The following ZFPM1 variants were observed in gnomAD, a reference collection of about 807,000 sequenced individuals.
ZFPM1 encodes the protein zinc finger protein ZFPM1.
In ZFPM1, 28 loss-of-function variants were observed where a neutral mutation model predicts 46.3. That is an observed-to-expected ratio of 0.60 (90% confidence interval 0.45 to 0.83). The LOEUF is 0.83. Ranked by LOEUF, ZFPM1 falls within the 40% of genes least tolerant of loss-of-function variation. ZFPM1 has a pLI of 0.00. For synonymous variants in ZFPM1, 957 were observed against 675.9 expected (o/e 1.42, Z -6.45); for missense variants, 1,878 against 1,432.4 (o/e 1.31, Z -5.02).
In ZFPM1 at chr16:88,535,178, C is replaced by G. The variant is rs1024409906; in HGVS notation, c.*199C>G. ...CAGTTTGATGAGCATGGTGGTGGGC[C>G]AGCCTAGTTCTCTGAGCCAGCAGGC... On this transcript the variant is annotated 3_prime_UTR_variant, in exon 10 of 10. Transcript: ENST00000319555. The G allele has an allele frequency of 1.1e-5, 6 of 554,886 alleles. No homozygotes were observed. In the African/African-American group the frequency reaches 1.2e-4, roughly 11 times the overall value. The allele number at this position is 554,886 out of a possible 1,614,324, so 34.4% of individuals were successfully genotyped here. A position where few individuals can be genotyped will look rare whatever the true frequency, so the allele number is the denominator to read the frequency against.
intron 1 of ZFPM1, among the ~76,000 whole-genome samples, chr16:88,468,194 C>A (rs113752522): frequency 6.9e-6 from 1 of 145,628 alleles, no homozygotes; most frequent in East Asian, 2.1e-4. Context: ...GCGAGCCCAC[C>A]GCCCCTCAAG....
At chr16:88,476,277 AC>A (rs1350850852) in intron 1 of ZFPM1, among the ~76,000 whole-genome samples, 3 of 150,260 alleles carry the variant, frequency 2.0e-5, no homozygotes, top group African/African-American at 7.4e-5. Context: ...ACCTAGCCAC[AC>A]CCCCCTCCAA....
chr16:88,507,893 G>A (rs1910746881), intron 3 of ZFPM1, among the ~76,000 whole-genome samples: 1 of 152,196 alleles, frequency 6.6e-6, no homozygotes, highest in African/African-American at 2.4e-5. Flanking sequence ...GCTCCACTCG[G>A]GGGCCTCCAG....
intron 1 of ZFPM1, among the ~76,000 whole-genome samples, chr16:88,461,902 G>T (rs891463388): frequency 1.3e-4 from 20 of 152,354 alleles, no homozygotes; most frequent in African/African-American, 3.6e-4. Flanking sequence ...CGTGACATGT[G>T]TGAGGTTATG....
chr16:88,521,696 G>A (rs1597276316), intron 4 of ZFPM1, among the ~76,000 whole-genome samples: 1 of 111,186 alleles, frequency 9.0e-6, no homozygotes, highest in African/African-American at 3.7e-5. Context: ...CCTCCCTCAT[G>A]CTGTTCCCTC....
intron 4 of ZFPM1, among the ~76,000 whole-genome samples, chr16:88,517,999 A>C (rs1194054747): frequency 6.6e-6 from 1 of 152,100 alleles, no homozygotes; most frequent in Non-Finnish European, 1.5e-5. Context: ...TCATGAAGTC[A>C]GGAGATCGAG....
chr16:88,519,776 G>C (rs1184589825), intron 4 of ZFPM1, among the ~76,000 whole-genome samples: 1 of 145,346 alleles, frequency 6.9e-6, no homozygotes, highest in Admixed American at 6.8e-5. Flanking sequence ...TGGGTGGATG[G>C]ATGGATAGGA....
At chr16:88,504,534 ACTC>A (rs1204212656) in intron 3 of ZFPM1, among the ~76,000 whole-genome samples, 9 of 151,752 alleles carry the variant, frequency 5.9e-5, no homozygotes, top group Non-Finnish European at 1.2e-4. Context: ...TGGCTTTCAG[ACTC>A]CTCAGCCCTG....
intron 3 of ZFPM1, among the ~76,000 whole-genome samples, chr16:88,503,082 C>T (rs902904687): frequency 5.3e-5 from 8 of 152,238 alleles, no homozygotes; most frequent in Non-Finnish European, 7.3e-5. Context: ...ATGAGCACGG[C>T]GCCCCTGGGA....
upstream of ZFPM1, among the ~76,000 whole-genome samples, chr16:88,452,904 A>G (rs891757060): frequency 6.6e-6 from 1 of 150,854 alleles, no homozygotes; most frequent in Non-Finnish European, 1.5e-5. Context: ...TGGGGACATG[A>G]CCTCCGGGCC....
rs576523126 is a variant in ZFPM1, at chr16:88,491,816, G to A, written c.268+2663G>A. 2.6e-5 allele frequency among the ~76,000 whole-genome samples: 4 copies of A among 152,332 alleles called. No individual in the cohort carries two copies. The East Asian group carries it at 5.8e-4, about 22-fold the overall frequency. ...GCTGATACGCGGCCGCTGGCCAACC[G>A]CTGCAGTGGCTACGGCCTATCAGAC... On this transcript the variant is annotated intron_variant, in intron 3 of 9. Transcript: ENST00000319555.
At position 88,532,723 on chromosome 16, in the gene ZFPM1, G is replaced by C. The variant is rs1314744657; in HGVS notation, c.1042+14G>C. 1 of 1,612,028 alleles carries C rather than the reference G, an allele frequency of 6.2e-7. No homozygotes were observed. The highest frequency in any genetic ancestry group is 8.5e-7 in the Non-Finnish European group (1 of 1,179,456). On this transcript the variant is annotated intron_variant, in intron 8 of 9. Coordinates refer to ENST00000319555, the MANE Select transcript of ZFPM1 (RefSeq NM_153813.3). ...ACACGCTGAGCGGTAGGCACCGCAG[G>C]GGCCGGGGGGTGTGTGGGTCCCGCC... is the stretch of plus-strand genomic sequence containing the variant.
intron 1 of ZFPM1, among the ~76,000 whole-genome samples, chr16:88,475,591 C>T (rs965845516): frequency 2.6e-5 from 4 of 152,166 alleles, no homozygotes; most frequent in African/African-American, 4.8e-5. Flanking sequence ...CCCAGGTCCT[C>T]TCTCCTGACT....
intron 5 of ZFPM1, 58 bp downstream of exon 5, chr16:88,526,974 T>TC: frequency 6.6e-7 from 1 of 1,521,110 alleles, no homozygotes; most frequent in Non-Finnish European, 8.9e-7. Context: ...GTCACTTGGC[T>TC]CCCCCTGGGC....
chr16:88,508,167 C>T (rs963696702), intron 3 of ZFPM1, among the ~76,000 whole-genome samples: 2 of 152,088 alleles, frequency 1.3e-5, no homozygotes, highest in East Asian at 1.9e-4. Flanking sequence ...TGCGGTGGCG[C>T]GCACCTGTAC....
chr16:88,532,442 C>T (rs1317090366), intron 7 of ZFPM1, among the ~76,000 whole-genome samples, 172 bp from the exon 8 acceptor site: 3 of 152,132 alleles, frequency 2.0e-5, no homozygotes, highest in Non-Finnish European at 4.4e-5. Context: ...GGGCTGGGCC[C>T]ACTGCTGTCC....
At chr16:88,500,797 GT>G (rs1567540734) in intron 3 of ZFPM1, among the ~76,000 whole-genome samples, 2 of 152,246 alleles carry the variant, frequency 1.3e-5, no homozygotes, top group Non-Finnish European at 2.9e-5. Context: ...AGGGCCCACA[GT>G]TTCTCTTTCC....
At chr16:88,455,835 A>G (rs1474070768) in intron 1 of ZFPM1, among the ~76,000 whole-genome samples, 1 of 152,082 alleles carries the variant, frequency 6.6e-6, no homozygotes, top group African/African-American at 2.4e-5. Context: ...GGCGGAGGCG[A>G]TAGGCCGGGC....
intron 5 of ZFPM1, 85 bp from the exon 6 acceptor site, chr16:88,527,947 C>T (rs1912475103): frequency 1.4e-6 from 2 of 1,390,666 alleles, no homozygotes; most frequent in African/African-American, 1.4e-5. Context: ...GGCCGCTCTC[C>T]TGACCCCATC....
Sources: allele counts gnomAD v4.1 joint callset (sites outside exome capture counted in the v4.1 genomes callset), GRCh38; gene constraint gnomAD v4.1.1; transcripts MANE v1.5; gene names NCBI Gene and HGNC (gene_info 2026-07-23, HGNC 2026-07-21).